RGS17: variants seen among roughly 807,000 people sequenced by gnomAD.
RGS17 encodes the protein regulator of G-protein signaling 17.
In RGS17, 12 loss-of-function variants were observed where a neutral mutation model predicts 25.5. The ratio of observed to expected loss-of-function variants is 0.47; its 90% CI spans 0.30 to 0.76. The LOEUF (loss-of-function observed/expected upper bound fraction) is 0.76. Ranked by LOEUF, RGS17 falls within the 30% of genes least tolerant of loss-of-function variation. The probability of loss-of-function intolerance (pLI) is 0.07; values close to 1 mark genes in which losing one functional copy is unlikely to be tolerated. For missense variants in RGS17, 196 were observed against 242.2 expected (o/e 0.81, Z 1.27); for synonymous variants, 71 against 76.9 (o/e 0.92, Z 0.40).
intron 1 of RGS17, among the ~76,000 whole-genome samples, chr6:153,058,311 T>C (rs1776590665): frequency 6.6e-6 from 1 of 152,194 alleles, no homozygotes; most frequent in Admixed American, 6.5e-5. Context: ...TTCACTTATA[T>C]GGTGGGATGT....
At chr6:153,070,378 A>T (rs1776769727) in intron 1 of RGS17, among the ~76,000 whole-genome samples, 1 of 152,072 alleles carries the variant, frequency 6.6e-6, no homozygotes. Context: ...ATAGAACATA[A>T]TCAGATAAAG....
At chr6:153,114,990 G>C (rs976417442) in intron 1 of RGS17, among the ~76,000 whole-genome samples, 1 of 152,030 alleles carries the variant, frequency 6.6e-6, no homozygotes, top group East Asian at 1.9e-4. Flanking sequence ...ATGGGCAAAA[G>C]CTGGAAGCAT....
intron 3 of RGS17, 34 bp downstream of exon 3, chr6:153,026,420 C>A (rs1396085478): frequency 6.7e-7 from 1 of 1,497,368 alleles, no homozygotes; most frequent in Non-Finnish European, 9.3e-7. Context: ...CATATAAATG[C>A]AAGAAACAAT....
Position 153,085,569 on chromosome 6 carries a change from C to T in RGS17, c.-25-41526G>A, listed in dbSNP as rs17784562. Among the ~76,000 whole-genome samples, 862 of 152,232 alleles carry T rather than the reference C, an allele frequency of 5.7e-3. 7 individuals are homozygous for T. Among genetic ancestry groups the T allele is most frequent in the Middle Eastern group, 0.034 (10 of 294 alleles). Reference sequence around the variant, plus strand: ...TTGCAAAAGAATAAGGGAAGCAGTGCATTAATTTATATTCTGTTGCTGATC... The same window carrying T: ...TTGCAAAAGAATAAGGGAAGCAGTGTATTAATTTATATTCTGTTGCTGATC... On this transcript the variant is annotated intron_variant, in intron 1 of 4. Transcript: ENST00000206262.
rs986227867 is a variant in RGS17, at chr6:153,109,131, T to A, written c.-26+21993A>T. ...CGATAATACAGGAAGTAAATGTAGTTTCTTACTCCATGGTTTGAAAAATCT... is the reference window on the plus strand; with the variant it reads ...CGATAATACAGGAAGTAAATGTAGTATCTTACTCCATGGTTTGAAAAATCT... On this transcript the variant is annotated intron_variant, in intron 1 of 4. Coordinates refer to ENST00000206262, the MANE Select transcript of RGS17 (RefSeq NM_012419.5). Among the ~76,000 whole-genome samples, 19 of 152,074 alleles carry A rather than the reference T, an allele frequency of 1.2e-4. 3 individuals carry two copies. The highest frequency in any genetic ancestry group is 1.2e-3 in the Admixed American group (18 of 15,270).
At chr6:153,073,525 C>A (rs1180296995) in intron 1 of RGS17, among the ~76,000 whole-genome samples, 1 of 152,098 alleles carries the variant, frequency 6.6e-6, no homozygotes, top group Non-Finnish European at 1.5e-5. Context: ...TGTTGAGAAA[C>A]CCCAGGGACA....
chr6:153,060,568 T>TTGA (rs142308491), intron 1 of RGS17, among the ~76,000 whole-genome samples: 11 of 152,298 alleles, frequency 7.2e-5, no homozygotes, highest in African/African-American at 2.4e-4. Flanking sequence ...CTTAGTACTC[T>TTGA]TGGTACACAA....
chr6:153,115,641 A>G (rs1399636328), intron 1 of RGS17, among the ~76,000 whole-genome samples: 2 of 152,212 alleles, frequency 1.3e-5, no homozygotes, highest in Non-Finnish European at 2.9e-5. Flanking sequence ...AAAAGAACAA[A>G]GCTGGAGGCA....
intron 1 of RGS17, among the ~76,000 whole-genome samples, chr6:153,114,252 C>T (rs1777513988): frequency 2.0e-5 from 3 of 152,116 alleles, no homozygotes; most frequent in African/African-American, 7.2e-5. Context: ...AAGGGGATAT[C>T]ACCACTGATC....
rs1406297481 is a variant in RGS17, at chr6:153,007,266, C to T, written c.*4308G>A. On this transcript the variant is annotated 3_prime_UTR_variant, in exon 5 of 5. Transcript: ENST00000206262. ...AAATCTGAAGCAAGTTTTGGGTTAT[C>T]AGTTTTATTGATAAATATTTGCAGT... 2.6e-5 allele frequency: 4 copies of T among 152,142 alleles called. No individual in the cohort carries two copies. The East Asian group carries it at 7.7e-4, about 29-fold the overall frequency. 9.4% of individuals were successfully genotyped at this position (152,142 alleles called of 1,614,324 possible).
intron 1 of RGS17, among the ~76,000 whole-genome samples, chr6:153,062,988 A>G (rs1776659529): frequency 6.6e-6 from 1 of 152,208 alleles, no homozygotes; most frequent in Non-Finnish European, 1.5e-5. Context: ...CAGTACCTGT[A>G]CAAGTCTGCA....
chr6:153,031,805 A>G (rs923219139), intron 2 of RGS17, among the ~76,000 whole-genome samples: 3 of 152,202 alleles, frequency 2.0e-5, no homozygotes, highest in Admixed American at 6.5e-5. Flanking sequence ...CTATCACTCC[A>G]TAGGAGCTGT....
chr6:153,060,418 C>A (rs1277575196), intron 1 of RGS17, among the ~76,000 whole-genome samples: 1 of 152,150 alleles, frequency 6.6e-6, no homozygotes, highest in Non-Finnish European at 1.5e-5. Flanking sequence ...TCTTTGCAGA[C>A]CCTCCTGGCC....
chr6:153,030,069 G>A (rs1394902470), intron 2 of RGS17, among the ~76,000 whole-genome samples: 1 of 152,056 alleles, frequency 6.6e-6, no homozygotes, highest in Non-Finnish European at 1.5e-5. Context: ...CAATATCCTT[G>A]GCCAAATATA....
chr6:153,074,181 C>T (rs1188969950), intron 1 of RGS17, among the ~76,000 whole-genome samples: 1 of 152,154 alleles, frequency 6.6e-6, no homozygotes, highest in Non-Finnish European at 1.5e-5. Flanking sequence ...AAAAGAGCTA[C>T]CCCTACTTAT....
rs566244662 is a variant in RGS17 at position 153,089,050 on chromosome 6, A to G, written c.-26+42074T>C. Among the ~76,000 whole-genome samples the G allele has an allele frequency of 5.2e-4, 79 of 152,152 alleles. 1 individual carries two copies. Among genetic ancestry groups the G allele is most frequent in the African/African-American group, 1.8e-3 (75 of 41,512 alleles). On this transcript the variant is annotated intron_variant, in intron 1 of 4. Coordinates refer to ENST00000206262, the MANE Select transcript of RGS17 (RefSeq NM_012419.5). ...TTGCAGAATCTCAAGAACTGCTCCC[A>G]CCTATAAAAGGATTTTTTTCAAACA...
chr6:153,062,357 G>C (rs1038266036), intron 1 of RGS17, among the ~76,000 whole-genome samples: 3 of 152,160 alleles, frequency 2.0e-5, no homozygotes, highest in Admixed American at 2.0e-4. Context: ...GTAAGGCTTT[G>C]AACTCAGTGG....
At chr6:153,120,829 T>C (rs1777620401) in intron 1 of RGS17, among the ~76,000 whole-genome samples, 1 of 142,858 alleles carries the variant, frequency 7.0e-6, no homozygotes, top group Non-Finnish European at 1.5e-5. Context: ...ATTTACATTG[T>C]TTTTGAGCCT....
intron 2 of RGS17, among the ~76,000 whole-genome samples, chr6:153,041,407 T>C (rs1388525449): frequency 6.6e-6 from 1 of 151,970 alleles, no homozygotes; most frequent in Non-Finnish European, 1.5e-5. Context: ...GTGTAGAGAG[T>C]TGATGCAGCT....
Sources: gnomAD v4.1 joint callset for allele counts (sites outside exome capture counted in the v4.1 genomes callset) on GRCh38, gnomAD v4.1.1 for gene constraint, MANE v1.5 for transcripts, NCBI Gene and HGNC (gene_info 2026-07-23, HGNC 2026-07-21) for gene names.